TAFA4: variants seen among roughly 807,000 people sequenced by gnomAD.
TAFA4 encodes TAFA chemokine like family member 4, also known as chemokine-like protein TAFA-4.
A neutral mutation model predicts 21.1 loss-of-function variants in TAFA4; 20 were observed. The ratio of observed to expected loss-of-function variants is 0.95; its 90% CI spans 0.67 to 1.38. TAFA4 has a LOEUF of 1.38. Among genes scored for constraint, TAFA4 ranks in the 40% most tolerant of loss-of-function variants. The pLI, the probability that TAFA4 is intolerant of heterozygous loss-of-function variation, is 0.00. For synonymous variants in TAFA4, 71 were observed against 67.4 expected, an observed-to-expected ratio of 1.05 and a Z score of -0.26; for missense variants, 211 against 180.9, an observed-to-expected ratio of 1.17 and a Z score of -0.95.
chr3:68,770,621 C>T (rs1481536915), intron 3 of TAFA4, among the ~76,000 whole-genome samples: 2 of 152,154 alleles, frequency 1.3e-5, no homozygotes, highest in Non-Finnish European at 2.9e-5. Context: ...TTTAAGGAAT[C>T]AATCTCCAGA....
rs568040777 is a variant in TAFA4 at position 68,847,766 on chromosome 3, C to T, written c.130+32964G>A. On this transcript the variant is annotated intron_variant, in intron 3 of 5. Transcript: ENST00000295569. ...AGTTACAAATTAGCAGATTTGAACA[C>T]GGTAAGGTGTGAAACCACTTGGTCA... Among the ~76,000 whole-genome samples the T allele has an allele frequency of 7.9e-5, 12 of 152,270 alleles. No homozygotes were observed. In the East Asian group the frequency reaches 9.7e-4, roughly 12 times the overall value.
chr3:68,799,456 G>A (rs1283678626), intron 3 of TAFA4, among the ~76,000 whole-genome samples: 1 of 152,080 alleles, frequency 6.6e-6, no homozygotes, highest in Non-Finnish European at 1.5e-5. Context: ...CCACCACCTT[G>A]GGGGTTAGGA....
chr3:68,768,584 A>G (rs1702898782), intron 3 of TAFA4, among the ~76,000 whole-genome samples: 1 of 152,210 alleles, frequency 6.6e-6, no homozygotes, highest in African/African-American at 2.4e-5. Flanking sequence ...TGTTCCAGCA[A>G]TCTCACTACC....
chr3:68,748,499 T>A lies in TAFA4; in HGVS notation c.286+4364A>T, dbSNP rs1270068665. On this transcript the variant is annotated intron_variant, in intron 4 of 5. Coordinates refer to ENST00000295569, the MANE Select transcript of TAFA4 (RefSeq NM_182522.5). Reference sequence around the variant, plus strand: ...GGCTCATGCCTGTAATCCCAGCACTTTGGGAGGCCAAGGCGGGTGGATCAC... The same window carrying A: ...GGCTCATGCCTGTAATCCCAGCACTATGGGAGGCCAAGGCGGGTGGATCAC... 2.0e-5 allele frequency among the ~76,000 whole-genome samples: 3 copies of A among 152,150 alleles called. No individual in the cohort carries two copies. In the East Asian group the frequency reaches 5.8e-4, roughly 29 times the overall value.
chr3:68,917,339 G>GCACTTACTA (rs1232813133), intron 1 of TAFA4, among the ~76,000 whole-genome samples: 2 of 152,184 alleles, frequency 1.3e-5, no homozygotes, highest in African/African-American at 4.8e-5. Context: ...CTATGAGACT[G>GCACTTACTA]TGGTGGTTCT....
Position 68,732,991 on chromosome 3 carries a change from A to T in TAFA4, c.*151T>A. On this transcript the variant is annotated 3_prime_UTR_variant, in exon 6 of 6. Coordinates refer to ENST00000295569, the MANE Select transcript of TAFA4 (RefSeq NM_182522.5). Reference sequence around the variant, plus strand: ...CGAAGCAGAGAGGGCTGGGCCAGTTAAGTGAATGCCACCTCTCACAGCTCA... The same window carrying T: ...CGAAGCAGAGAGGGCTGGGCCAGTTTAGTGAATGCCACCTCTCACAGCTCA... The T allele has an allele frequency of 1.1e-6, 1 of 930,454 alleles. No individual in the cohort carries two copies. The highest frequency in any genetic ancestry group is 1.6e-6 in the Non-Finnish European group (1 of 618,388). 57.6% of individuals were successfully genotyped at this position (930,454 alleles called of 1,614,324 possible).
chr3:68,887,904 T>A (rs1448961200), intron 1 of TAFA4, among the ~76,000 whole-genome samples: 1 of 152,180 alleles, frequency 6.6e-6, no homozygotes, highest in Non-Finnish European at 1.5e-5. Flanking sequence ...TCAATCATTT[T>A]AGCAATCTCT....
intron 3 of TAFA4, among the ~76,000 whole-genome samples, chr3:68,873,254 AAAC>A (rs1295782831): frequency 1.4e-5 from 2 of 145,646 alleles, no homozygotes; most frequent in Admixed American, 6.7e-5. Flanking sequence ...TGGAGAGATC[AAAC>A]AACGTCATAC....
chr3:68,868,363 C>T (rs2089443431), intron 3 of TAFA4, among the ~76,000 whole-genome samples: 1 of 151,874 alleles, frequency 6.6e-6, no homozygotes, highest in Admixed American at 6.6e-5. Flanking sequence ...GAAAAATCAA[C>T]AAAGAAACAT....
At chr3:68,875,928 A>G (rs7628981) in intron 3 of TAFA4, among the ~76,000 whole-genome samples, 20,068 of 151,934 alleles carry the variant, frequency 0.13, 2,002 homozygotes, top group African/African-American at 0.28. Context: ...AAAAAAAAAA[A>G]AGAGAGAGAG....
At chr3:68,923,384 C>T (rs139787139) in intron 1 of TAFA4, among the ~76,000 whole-genome samples, 2 of 152,150 alleles carry the variant, frequency 1.3e-5, no homozygotes, top group East Asian at 1.9e-4. Context: ...AGGATGCCCA[C>T]GTCCTCTGCC....
At chr3:68,790,176 T>C (rs960882178) in intron 3 of TAFA4, among the ~76,000 whole-genome samples, 2 of 142,942 alleles carry the variant, frequency 1.4e-5, no homozygotes, top group African/African-American at 5.0e-5. Context: ...TGTATATGCT[T>C]GTGAGGCTTC....
At chr3:68,867,126 C>T (rs1460432026) in intron 3 of TAFA4, among the ~76,000 whole-genome samples, 1 of 151,794 alleles carries the variant, frequency 6.6e-6, no homozygotes, top group Non-Finnish European at 1.5e-5. Context: ...ACCAAAAAAG[C>T]AGATAATAAT....
At chr3:68,746,728 A>G (rs1421364078) in intron 4 of TAFA4, among the ~76,000 whole-genome samples, 1 of 152,184 alleles carries the variant, frequency 6.6e-6, no homozygotes, top group Non-Finnish European at 1.5e-5. Context: ...AGTTCCACAA[A>G]GTACACAGAA....
intron 3 of TAFA4, among the ~76,000 whole-genome samples, chr3:68,807,953 G>C (rs935561348): frequency 1.3e-5 from 2 of 152,168 alleles, no homozygotes; most frequent in African/African-American, 4.8e-5. Flanking sequence ...ATTATTGTAT[G>C]TGTCTTCTTT....
At chr3:68,882,494 A>C (rs2089629859) in intron 2 of TAFA4, among the ~76,000 whole-genome samples, 1 of 152,182 alleles carries the variant, frequency 6.6e-6, no homozygotes, top group South Asian at 2.1e-4. Context: ...GGGTCTCCAC[A>C]GTCCCTCCCA....
intron 1 of TAFA4, among the ~76,000 whole-genome samples, chr3:68,905,825 G>A (rs1038502215): frequency 1.1e-4 from 16 of 152,178 alleles, no homozygotes; most frequent in Non-Finnish European, 2.2e-4. Context: ...TTTTCAGATG[G>A]TGATAAGATC....
intron 3 of TAFA4, among the ~76,000 whole-genome samples, chr3:68,820,931 C>A (rs192071582): frequency 6.6e-6 from 1 of 152,060 alleles, no homozygotes; most frequent in African/African-American, 2.4e-5. Flanking sequence ...AATTTTGTTT[C>A]GAAATTGGTA....
intron 4 of TAFA4, among the ~76,000 whole-genome samples, chr3:68,745,206 TTTAAGC>T (rs1156643444): frequency 6.6e-6 from 1 of 152,134 alleles, no homozygotes; most frequent in Admixed American, 6.5e-5. Flanking sequence ...AGCCAGGAAA[TTTAAGC>T]TTCGAGTGCA....
Sources: gnomAD v4.1 joint callset for allele counts (sites outside exome capture counted in the v4.1 genomes callset) on GRCh38, gnomAD v4.1.1 for gene constraint, MANE v1.5 for transcripts, NCBI Gene and HGNC (gene_info 2026-07-23, HGNC 2026-07-21) for gene names.